RGPD4: variants seen among roughly 807,000 people sequenced by gnomAD.
RGPD4 encodes ranBP2-like and GRIP domain-containing protein 4.
Under a neutral mutation model 141.1 loss-of-function variants are expected in RGPD4, and 84 were observed. The observed-to-expected ratio is 0.60, with a 90% CI of 0.50 to 0.71. The LOEUF (loss-of-function observed/expected upper bound fraction) is 0.71, where lower values mean the gene tolerates loss of function less well. Ranked by LOEUF, RGPD4 falls within the 30% of genes least tolerant of loss-of-function variation. RGPD4 has a pLI of 0.00. For missense variants in RGPD4, 918 were observed against 1,622.4 expected, an observed-to-expected ratio of 0.57 and a Z score of 7.46; for synonymous variants, 298 against 566.8, an observed-to-expected ratio of 0.53 and a Z score of 6.74.
chr2:107,870,903 A>G lies in RGPD4; in HGVS notation c.2899A>G (p.Ser967Gly). The change falls in exon 20 of 23, where the codon AGT becomes GGT. Residue 967 changes from serine to glycine, a missense_variant. Ser to Gly is a moderately conservative substitution (Grantham distance 56). Transcript: ENST00000408999. ...CCGTGGTGTGATTTTTGGCCAAACA[A>G]GTAGCACTTTTACATTTGCAGATGT... Reference protein sequence around the residue: ...NGRGVIFGQTSSTFTFADVAK... With the variant: ...NGRGVIFGQTGSTFTFADVAK... 1 of 1,609,912 alleles carries G rather than the reference A, an allele frequency of 6.2e-7. No individual in the cohort carries two copies. The highest frequency in any genetic ancestry group is 8.5e-7 in the Non-Finnish European group (1 of 1,178,906).
intron 1 of RGPD4, among the ~76,000 whole-genome samples, chr2:107,829,615 G>A (rs1681392436): frequency 6.6e-6 from 1 of 152,102 alleles, no homozygotes; most frequent in South Asian, 2.1e-4. Context: ...GGCGGGCTCT[G>A]TTGAGGCGCC....
intron 1 of RGPD4, among the ~76,000 whole-genome samples, chr2:107,828,723 G>A (rs1681339812): frequency 3.1e-5 from 1 of 32,054 alleles, no homozygotes; most frequent in Admixed American, 1.9e-4. Flanking sequence ...GCCGGGCGGC[G>A]GCGGCCTCGA....
At chr2:107,847,082 A>G (rs1035837067) in intron 6 of RGPD4, among the ~76,000 whole-genome samples, 13 of 149,992 alleles carry the variant, frequency 8.7e-5, no homozygotes, top group Admixed American at 3.3e-4. Context: ...CTCTACTAAA[A>G]ATACAAAAAA....
chr2:107,827,676 G>A (rs1255422671), intron 1 of RGPD4, among the ~76,000 whole-genome samples: 1 of 50,456 alleles, frequency 2.0e-5, no homozygotes, highest in East Asian at 3.0e-4. Context: ...TTGAGGCGGC[G>A]GCCTCGACCT....
At chr2:107,840,740 C>G (rs1341312399) in intron 4 of RGPD4, among the ~76,000 whole-genome samples, 1 of 88,912 alleles carries the variant, frequency 1.1e-5, no homozygotes, top group Non-Finnish European at 2.5e-5. Context: ...ACAATTTAAC[C>G]TTTCACTTTT....
intron 22 of RGPD4, among the ~76,000 whole-genome samples, chr2:107,883,646 CA>C (rs1675433272): frequency 4.3e-5 from 2 of 46,358 alleles, no homozygotes; most frequent in Admixed American, 2.0e-4. Flanking sequence ...AAAACAAAAA[CA>C]AAAAACTATG....
chr2:107,849,840 C>T (rs1283038814), intron 7 of RGPD4, among the ~76,000 whole-genome samples: 2 of 6,554 alleles, frequency 3.1e-4, no homozygotes, highest in Admixed American at 1.9e-3. Flanking sequence ...GAAGGCCCCT[C>T]CTAATATAAA....
At chr2:107,865,549 ATTGTC>A (rs1402055913) in intron 17 of RGPD4, among the ~76,000 whole-genome samples, 2 of 151,308 alleles carry the variant, frequency 1.3e-5, no homozygotes, top group African/African-American at 2.4e-5. Flanking sequence ...TGAGCAGGGA[ATTGTC>A]TTGGCTGGAG....
At chr2:107,878,365 G>T (rs1558820716) in intron 20 of RGPD4, among the ~76,000 whole-genome samples, 1 of 147,854 alleles carries the variant, frequency 6.8e-6, no homozygotes, top group Non-Finnish European at 1.5e-5. Context: ...TTCTAGACAT[G>T]CACACTGTAA....
chr2:107,827,210 G>A, intron 1 of RGPD4, 125 bp downstream of exon 1: 1 of 285,534 alleles, frequency 3.5e-6, no homozygotes, highest in Non-Finnish European at 4.8e-6. Context: ...TCCCTGGCGC[G>A]CTCTGTTGAG....
intron 22 of RGPD4, among the ~76,000 whole-genome samples, chr2:107,884,983 T>C (rs1573536110): frequency 6.6e-6 from 1 of 151,858 alleles, no homozygotes; most frequent in East Asian, 1.9e-4. Flanking sequence ...TTGAATCTGG[T>C]TTTTTATAAT....
At chr2:107,885,468 T>C (rs1317591690) in intron 22 of RGPD4, among the ~76,000 whole-genome samples, 1 of 152,152 alleles carries the variant, frequency 6.6e-6, no homozygotes, top group Non-Finnish European at 1.5e-5. Context: ...TCCTATAAGT[T>C]AAGGGTCCAT....
chr2:107,890,714 T>C lies in RGPD4; in HGVS notation c.5267-7T>C. On this transcript the variant is annotated splice_region_variant and splice_polypyrimidine_tract_variant and intron_variant, in intron 22 of 22. Coordinates refer to ENST00000408999, the MANE Select transcript of RGPD4 (RefSeq NM_182588.3). ...TTTTTCTTTTTTTTTTGTTTTACTT[T>C]CCAAAGGTGAGGAATAAAATGCTTC... is the stretch of plus-strand genomic sequence containing the variant. The C allele has an allele frequency of 1.9e-6, 3 of 1,599,894 alleles. No individual in the cohort carries two copies. Among genetic ancestry groups the C allele is most frequent in the East Asian group, 4.5e-5 (2 of 44,756 alleles).
intron 9 of RGPD4, among the ~76,000 whole-genome samples, chr2:107,858,403 CTT>C (rs1170835892): frequency 8.6e-4 from 88 of 102,270 alleles, no homozygotes; most frequent in African/African-American, 5.5e-3. Flanking sequence ...ATAACCTTTT[CTT>C]TTCTTTTCTT....
At chr2:107,854,710 G>T in intron 8 of RGPD4, 67 bp downstream of exon 8, 1 of 1,574,220 alleles carries the variant, frequency 6.4e-7, no homozygotes, top group Non-Finnish European at 8.6e-7. Context: ...CATATCTTAT[G>T]ATAAAATCTC....
chr2:107,848,466 A>C lies in RGPD4; in HGVS notation c.908A>C (p.Gln303Pro). 2 of 214,916 alleles carry C rather than the reference A, an allele frequency of 9.3e-6. No individual in the cohort carries two copies. Among genetic ancestry groups the C allele is most frequent in the Non-Finnish European group, 1.6e-5 (2 of 125,586 alleles). 13.3% of individuals were successfully genotyped at this position (214,916 alleles called of 1,614,324 possible). A position where few individuals can be genotyped will look rare whatever the true frequency, so the allele number is the denominator to read the frequency against. The part of the protein sequence containing the change: ...HAGSLLLKMG[Q>P]HGNNVQWRAL... ...GGTTCTCTGCTCTTGAAGATGGGTC[A>C]GCATGGTAATAATGTTCAATGGCGA... Residue 303 changes from glutamine (Q) to proline (P), a missense_variant, in exon 7 of 23, where the codon CAG (glutamine) becomes CCG (proline). Coordinates refer to ENST00000408999, the MANE Select transcript of RGPD4 (RefSeq NM_182588.3).
intron 22 of RGPD4, chr2:107,883,333 T>G: frequency 3.0e-6 from 1 of 338,360 alleles, no homozygotes; most frequent in Non-Finnish European, 5.9e-6. Flanking sequence ...AAATGCAGTT[T>G]TAAAACTGTG....
rs180710856 is a variant in RGPD4, at chr2:107,830,442, G to C, written c.72+3357G>C. 2.9e-3 allele frequency among the ~76,000 whole-genome samples: 444 copies of C among 151,864 alleles called. 3 individuals carry two copies. The highest frequency in any genetic ancestry group is 9.8e-3 in the African/African-American group (404 of 41,416). On this transcript the variant is annotated intron_variant, in intron 1 of 22. Coordinates refer to ENST00000408999, the MANE Select transcript of RGPD4 (RefSeq NM_182588.3). ...AAACCACTGGTCTAGACAGAAGTTA[G>C]AATGTTCTTTCAACTGCATAACTTC...
rs556220696 is a variant in RGPD4 at position 107,870,888 on chromosome 2, A to G, written c.2884A>G (p.Ile962Val). ...ISGQKNGRGV[I>V]FGQTSSTFTF... ...TGGCCAGAAGAATGGCCGTGGTGTG[A>G]TTTTTGGCCAAACAAGTAGCACTTT... The change falls in exon 20 of 23, where the codon ATT (isoleucine) becomes GTT (valine). Residue 962 changes from isoleucine (I) to valine (V), a missense_variant. Physicochemically the swap from Ile to Val is conservative, Grantham distance 29. Transcript: ENST00000408999. The G allele has an allele frequency of 1.2e-6, 2 of 1,610,024 alleles. No homozygotes were observed. Among genetic ancestry groups the G allele is most frequent in the South Asian group, 1.1e-5 (1 of 90,900 alleles).
Sources: allele counts gnomAD v4.1 joint callset (sites outside exome capture counted in the v4.1 genomes callset), GRCh38; gene constraint gnomAD v4.1.1; transcripts MANE v1.5; gene names NCBI Gene and HGNC (gene_info 2026-07-23, HGNC 2026-07-21).